SLC8A1: variants seen among roughly 807,000 people sequenced by gnomAD.
SLC8A1 encodes sodium/calcium exchanger 1.
A neutral mutation model predicts 68.3 loss-of-function variants in SLC8A1; 18 were observed. That is an observed-to-expected ratio of 0.26 (90% confidence interval 0.18 to 0.39). The LOEUF (loss-of-function observed/expected upper bound fraction) is 0.39. Among genes scored for constraint, SLC8A1 ranks in the 10% least tolerant of loss-of-function variants. The pLI, the probability that SLC8A1 is intolerant of heterozygous loss-of-function variation, is 1.00. For missense variants in SLC8A1, 985 were observed against 1,156.7 expected, an observed-to-expected ratio of 0.85 and a Z score of 2.15; for synonymous variants, 475 against 415.5, an observed-to-expected ratio of 1.14 and a Z score of -1.74.
At chr2:40,223,577 G>A (rs1558827967) in intron 2 of SLC8A1, 1 of 151,896 alleles carries the variant, frequency 6.6e-6, no homozygotes, top group Non-Finnish European at 1.5e-5. Context: ...TTCTTTTCCA[G>A]GGAAAATATT....
At chr2:40,440,598 G>A (rs35478019) in intron 1 of SLC8A1, among the ~76,000 whole-genome samples, 7,377 of 152,196 alleles carry the variant, frequency 0.048, 351 homozygotes, top group East Asian at 0.25. Context: ...TAGCTGGGAA[G>A]ACAGATGACA....
intron 1 of SLC8A1, among the ~76,000 whole-genome samples, chr2:40,497,903 T>C (rs761544843): frequency 2.2e-4 from 33 of 152,024 alleles, no homozygotes; most frequent in Non-Finnish European, 4.4e-5. Flanking sequence ...ACGTGGGGAA[T>C]AGTAGGGAGC....
intron 2 of SLC8A1, among the ~76,000 whole-genome samples, chr2:40,389,039 T>C (rs1684475845): frequency 6.6e-6 from 1 of 152,114 alleles, no homozygotes; most frequent in Non-Finnish European, 1.5e-5. Flanking sequence ...TATATGTGTG[T>C]ATACATATTT....
At chr2:40,170,763 A>T (rs1471564199) in intron 4 of SLC8A1, among the ~76,000 whole-genome samples, 1 of 152,202 alleles carries the variant, frequency 6.6e-6, no homozygotes, top group Non-Finnish European at 1.5e-5. Flanking sequence ...GAATTGAAGT[A>T]ATAATGTTTT....
At chr2:40,470,505 A>G (rs1318571864) in intron 1 of SLC8A1, among the ~76,000 whole-genome samples, 3 of 152,020 alleles carry the variant, frequency 2.0e-5, no homozygotes, top group Non-Finnish European at 4.4e-5. Context: ...GGGATTGTAA[A>G]TGTATATTGA....
intron 2 of SLC8A1, among the ~76,000 whole-genome samples, chr2:40,277,059 CTG>C (rs1051038509): frequency 8.5e-5 from 13 of 152,260 alleles, no homozygotes; most frequent in Middle Eastern, 3.4e-3. Flanking sequence ...TGGAATCCTG[CTG>C]CATGAATATC....
chr2:40,220,070 T>C (rs535733638), intron 2 of SLC8A1: 9 of 152,126 alleles, frequency 5.9e-5, no homozygotes, highest in African/African-American at 1.4e-4. Flanking sequence ...GCTCTTGTTA[T>C]ATCTTTGAAC....
At chr2:40,483,411 T>C (rs1325533290) in intron 1 of SLC8A1, among the ~76,000 whole-genome samples, 1 of 152,066 alleles carries the variant, frequency 6.6e-6, no homozygotes, top group Non-Finnish European at 1.5e-5. Context: ...GTGGGTGAGA[T>C]AGGTATAAAG....
chr2:40,253,290 G>GTATATACACA (rs200943124), intron 2 of SLC8A1, among the ~76,000 whole-genome samples: 4 of 149,254 alleles, frequency 2.7e-5, no homozygotes, highest in East Asian at 2.0e-4. Context: ...GTATATATGT[G>GTATATACACA]TATATACACA....
Position 40,387,685 on chromosome 2 carries a change from C to T in SLC8A1, c.1808+40788G>A, listed in dbSNP as rs566860113. On this transcript the variant is annotated intron_variant, in intron 2 of 7. Transcript: ENST00000406785. ...AGTTGTGGTGGCTCATGCCTGTAAT[C>T]CCAAAACATTGAGAAGCCTAGCGGG... is the stretch of plus-strand genomic sequence containing the variant. Among the ~76,000 whole-genome samples, 24 of 150,758 alleles carry T rather than the reference C, an allele frequency of 1.6e-4. 1 individual carries two copies. The highest frequency in any genetic ancestry group is 6.0e-4 in the African/African-American group (24 of 40,240).
intron 2 of SLC8A1, among the ~76,000 whole-genome samples, chr2:40,193,041 C>T (rs529100561): frequency 3.3e-5 from 5 of 152,150 alleles, no homozygotes; most frequent in South Asian, 2.1e-4. Flanking sequence ...ATAGTGTTTG[C>T]GTAATAAATG....
intron 2 of SLC8A1, among the ~76,000 whole-genome samples, chr2:40,335,055 T>G (rs1484945087): frequency 6.6e-6 from 1 of 152,220 alleles, no homozygotes; most frequent in Non-Finnish European, 1.5e-5. Flanking sequence ...AGGTCATTAG[T>G]GCTCCCATTT....
At chr2:40,496,440 C>A (rs557729590) in intron 1 of SLC8A1, among the ~76,000 whole-genome samples, 75 of 152,164 alleles carry the variant, frequency 4.9e-4, no homozygotes, top group African/African-American at 1.6e-3. Context: ...AATAATGTTG[C>A]TAAAAATGCT....
intron 1 of SLC8A1, among the ~76,000 whole-genome samples, chr2:40,464,230 C>A (rs1703525546): frequency 6.6e-6 from 1 of 152,108 alleles, no homozygotes; most frequent in Admixed American, 6.6e-5. Context: ...TCGGGCAGTT[C>A]CCTGAACCAG....
intron 2 of SLC8A1, among the ~76,000 whole-genome samples, chr2:40,311,915 A>T (rs2073757303): frequency 6.6e-6 from 1 of 152,178 alleles, no homozygotes; most frequent in African/African-American, 2.4e-5. Context: ...TCTACATCAA[A>T]TATAAACCAG....
intron 2 of SLC8A1, among the ~76,000 whole-genome samples, chr2:40,426,060 G>C (rs977946374): frequency 6.6e-6 from 1 of 151,864 alleles, no homozygotes; most frequent in African/African-American, 2.4e-5. Context: ...AAACAAATCT[G>C]TACAATCAAC....
At chr2:40,284,159 C>G (rs1465319944) in intron 2 of SLC8A1, among the ~76,000 whole-genome samples, 6 of 151,878 alleles carry the variant, frequency 4.0e-5, no homozygotes, top group African/African-American at 1.2e-4. Context: ...CTTTCTCTCT[C>G]TCTAGATATC....
intron 1 of SLC8A1, among the ~76,000 whole-genome samples, chr2:40,460,344 ATC>A (rs1175318983): frequency 6.6e-6 from 1 of 152,206 alleles, no homozygotes; most frequent in East Asian, 1.9e-4. Flanking sequence ...ATCAATAAAT[ATC>A]TGTTGAATAA....
intron 7 of SLC8A1, among the ~76,000 whole-genome samples, chr2:40,118,750 T>C (rs1461821758): frequency 6.6e-6 from 1 of 150,466 alleles, no homozygotes; most frequent in Non-Finnish European, 1.5e-5. Flanking sequence ...TAAGCTGAAA[T>C]GGCTGGTAGC....
Sources: allele counts gnomAD v4.1 joint callset (sites outside exome capture counted in the v4.1 genomes callset), GRCh38; gene constraint gnomAD v4.1.1; transcripts MANE v1.5; gene names NCBI Gene and HGNC (gene_info 2026-07-23, HGNC 2026-07-21).